Variants in CAB39L observed in about 807,000 individuals in gnomAD.
CAB39L encodes the protein calcium-binding protein 39-like.
Under a neutral mutation model 39.1 loss-of-function variants are expected in CAB39L, and 23 were observed. The observed-to-expected ratio is 0.59, with a 90% CI of 0.42 to 0.83. The LOEUF (loss-of-function observed/expected upper bound fraction) is 0.83, where lower values mean the gene tolerates loss of function less well. Among genes scored for constraint, CAB39L ranks in the 40% least tolerant of loss-of-function variants. CAB39L has a pLI of 0.00. For missense variants in CAB39L, 366 were observed against 391.9 expected (o/e 0.93, Z 0.56); for synonymous variants, 126 against 137.2 (o/e 0.92, Z 0.57).
chr13:49,364,517 T>A lies in CAB39L; in HGVS notation c.277-4685A>T, dbSNP rs541999801. ...AAGTCAAATTATCCTTGTTTGCAGA[T>A]GATAAAACCTTATATTTGGAAAAAA... On this transcript the variant is annotated intron_variant, in intron 5 of 10. Transcript: ENST00000409308. Among the ~76,000 whole-genome samples, 4 of 152,298 alleles carry A rather than the reference T, an allele frequency of 2.6e-5. No individual in the cohort carries two copies. In the South Asian group the frequency reaches 6.2e-4, roughly 24 times the overall value.
intron 3 of CAB39L, among the ~76,000 whole-genome samples, chr13:49,392,366 C>A (rs967844223): frequency 1.4e-4 from 20 of 140,832 alleles, no homozygotes; most frequent in African/African-American, 6.1e-4. Context: ...GAGGAACAGG[C>A]GGTGGTTCAC....
intron 3 of CAB39L, among the ~76,000 whole-genome samples, chr13:49,400,469 CACACACACAT>C (rs1447842874): frequency 5.6e-4 from 82 of 146,686 alleles, no homozygotes; most frequent in Middle Eastern, 3.6e-3. Context: ...CACACACACA[CACACACACAT>C]GGTTATATTA....
At chr13:49,418,536 C>T (rs999052055) in intron 3 of CAB39L, among the ~76,000 whole-genome samples, 1 of 152,144 alleles carries the variant, frequency 6.6e-6, no homozygotes, top group African/African-American at 2.4e-5. Flanking sequence ...TTCTAGGATA[C>T]ATTAATTCTA....
chr13:49,400,928 T>C (rs1211256458), intron 3 of CAB39L, among the ~76,000 whole-genome samples: 1 of 151,786 alleles, frequency 6.6e-6, no homozygotes, highest in East Asian at 1.9e-4. Flanking sequence ...ATGGTTCAAG[T>C]GCCTTAGGCA....
At chr13:49,422,052 G>A (rs993600128) in intron 3 of CAB39L, among the ~76,000 whole-genome samples, 2 of 152,054 alleles carry the variant, frequency 1.3e-5, no homozygotes, top group Non-Finnish European at 1.5e-5. Context: ...ATCTCAAACT[G>A]AATGATTAAA....
intron 10 of CAB39L, among the ~76,000 whole-genome samples, chr13:49,323,979 G>A (rs2138363786): frequency 6.6e-6 from 1 of 152,204 alleles, no homozygotes; most frequent in African/African-American, 2.4e-5. Flanking sequence ...TCCTTATCTG[G>A]TTCAGAGGCA....
At chr13:49,335,189 A>C (rs1954816058) in intron 9 of CAB39L, among the ~76,000 whole-genome samples, 1 of 152,244 alleles carries the variant, frequency 6.6e-6, no homozygotes, top group Non-Finnish European at 1.5e-5. Flanking sequence ...AATACTGAAT[A>C]GACACATATA....
chr13:49,341,402 GCCA>G (rs1955000785), intron 8 of CAB39L, among the ~76,000 whole-genome samples: 1 of 151,940 alleles, frequency 6.6e-6, no homozygotes, highest in African/African-American at 2.4e-5. Flanking sequence ...ACAGGCACCC[GCCA>G]CCACATCTGG....
intron 3 of CAB39L, among the ~76,000 whole-genome samples, chr13:49,390,463 A>G (rs1956464316): frequency 6.6e-6 from 1 of 152,194 alleles, no homozygotes. Flanking sequence ...AGCTGCCAAT[A>G]CCAACTAGTA....
intron 8 of CAB39L, among the ~76,000 whole-genome samples, chr13:49,343,631 G>A (rs1046189143): frequency 1.3e-5 from 2 of 151,862 alleles, no homozygotes; most frequent in African/African-American, 4.8e-5. Flanking sequence ...AGAGAGGAGA[G>A]AGGAGAGGGG....
At chr13:49,425,707 C>T (rs983111877) in intron 3 of CAB39L, among the ~76,000 whole-genome samples, 1 of 152,134 alleles carries the variant, frequency 6.6e-6, no homozygotes, top group African/African-American at 2.4e-5. Context: ...TCATTACAGA[C>T]AATCCTTTTC....
chr13:49,343,529 A>T (rs925068466), intron 8 of CAB39L, among the ~76,000 whole-genome samples: 1 of 152,066 alleles, frequency 6.6e-6, no homozygotes, highest in Non-Finnish European at 1.5e-5. Context: ...AAAGATACAG[A>T]CACACCATAA....
At chr13:49,383,053 TAA>T in intron 3 of CAB39L, 112 bp from the exon 4 acceptor site, 1 of 457,996 alleles carries the variant, frequency 2.2e-6, no homozygotes, top group Non-Finnish European at 3.9e-6. Context: ...TCTGAAACAT[TAA>T]AAGTGATCAA....
At chr13:49,311,097 C>T in intron 10 of CAB39L, 104 bp from the exon 11 acceptor site, 6 of 917,420 alleles carry the variant, frequency 6.5e-6, no homozygotes, top group Admixed American at 4.6e-5. Flanking sequence ...GCGTTTCATG[C>T]GTGACTGATA....
At chr13:49,313,417 C>T (rs1954057132) in intron 10 of CAB39L, among the ~76,000 whole-genome samples, 2 of 151,278 alleles carry the variant, frequency 1.3e-5, no homozygotes, top group Admixed American at 1.3e-4. Flanking sequence ...GGAGGCGAAG[C>T]TTGCAGTGAG....
At chr13:49,370,401 A>C (rs74072539) in intron 5 of CAB39L, among the ~76,000 whole-genome samples, 19,875 of 152,132 alleles carry the variant, frequency 0.13, 3,121 homozygotes, top group African/African-American at 0.37. Flanking sequence ...TAGGCCACAT[A>C]GTGAAAAATA....
At position 49,339,672 on chromosome 13, in the gene CAB39L, A is replaced by G. The variant is rs1342201654; in HGVS notation, c.690+5T>C. 1.3e-6 allele frequency: 2 copies of G among 1,562,202 alleles called. No homozygotes were observed. Among genetic ancestry groups the G allele is most frequent in the Non-Finnish European group, 1.7e-6 (2 of 1,158,974 alleles). On this transcript the variant is annotated splice_donor_5th_base_variant and intron_variant, in intron 9 of 10. Transcript: ENST00000409308. Reference sequence around the variant, plus strand: ...GGACACTGACTTAAAGAAATTTGATATTACCTTTAAAGACTGTCTCTTAGT... The same window carrying G: ...GGACACTGACTTAAAGAAATTTGATGTTACCTTTAAAGACTGTCTCTTAGT...
intron 5 of CAB39L, among the ~76,000 whole-genome samples, chr13:49,369,590 A>ATT (rs34632855): frequency 1.5e-3 from 213 of 146,816 alleles, no homozygotes; most frequent in Middle Eastern, 3.5e-3. Flanking sequence ...GGCAAAGGAG[A>ATT]TTTTTTTTTT....
At chr13:49,321,896 T>C (rs1043991287) in intron 10 of CAB39L, among the ~76,000 whole-genome samples, 1 of 152,222 alleles carries the variant, frequency 6.6e-6, no homozygotes, top group Non-Finnish European at 1.5e-5. Flanking sequence ...AACTGAACAA[T>C]TCAAGCCTGT....
Sources: gnomAD v4.1 joint callset for allele counts (sites outside exome capture counted in the v4.1 genomes callset) on GRCh38, gnomAD v4.1.1 for gene constraint, MANE v1.5 for transcripts, NCBI Gene and HGNC (gene_info 2026-07-23, HGNC 2026-07-21) for gene names.